The following SULF1 variants were observed in gnomAD, a reference collection of about 807,000 sequenced individuals.
SULF1 encodes the protein sulfatase 1, also known as extracellular sulfatase Sulf-1.
SULF1 carries 46 observed loss-of-function variants against 110.5 expected under a neutral mutation model. The observed-to-expected ratio is 0.42, with a 90% confidence interval of 0.33 to 0.53. The LOEUF (loss-of-function observed/expected upper bound fraction) is 0.53. Among genes scored for constraint, SULF1 ranks in the 20% least tolerant of loss-of-function variants. The pLI, the probability that SULF1 is intolerant of heterozygous loss-of-function variation, is 0.12. For missense variants in SULF1, 941 were observed against 1,094.2 expected (o/e 0.86, Z 1.98); for synonymous variants, 371 against 387.1 (o/e 0.96, Z 0.49).
At chr8:69,657,712 G>T (rs913835795) in intron 22 of SULF1, among the ~76,000 whole-genome samples, 2 of 152,118 alleles carry the variant, frequency 1.3e-5, no homozygotes, top group African/African-American at 2.4e-5. Flanking sequence ...CTTCTTGCTG[G>T]TCTGTATGGC....
At chr8:69,535,160 A>G (rs1403558487) in intron 3 of SULF1, among the ~76,000 whole-genome samples, 2 of 152,186 alleles carry the variant, frequency 1.3e-5, no homozygotes, top group Non-Finnish European at 2.9e-5. Flanking sequence ...TTCCTTCCCT[A>G]TCTCGCTTGG....
intron 13 of SULF1, among the ~76,000 whole-genome samples, chr8:69,617,547 G>C (rs1809279632): frequency 6.7e-6 from 1 of 150,314 alleles, no homozygotes; most frequent in African/African-American, 2.4e-5. Flanking sequence ...GGGATTGTAG[G>C]TGTGATCCAC....
intron 3 of SULF1, among the ~76,000 whole-genome samples, chr8:69,524,612 G>T (rs1812538683): frequency 1.3e-5 from 2 of 152,092 alleles, no homozygotes; most frequent in South Asian, 4.1e-4. Flanking sequence ...CTTGGAGGGA[G>T]CAAAAATCCA....
At chr8:69,611,129 T>A (rs1808620370) in intron 13 of SULF1, among the ~76,000 whole-genome samples, 2 of 152,268 alleles carry the variant, frequency 1.3e-5, no homozygotes, top group South Asian at 4.1e-4. Flanking sequence ...TAACTCTGCC[T>A]CAGTTTCTTC....
chr8:69,547,257 G>C (rs570847659), intron 3 of SULF1, among the ~76,000 whole-genome samples: 6 of 152,204 alleles, frequency 3.9e-5, no homozygotes, highest in Admixed American at 3.3e-4. Context: ...AAGCAAATTT[G>C]ATGATTTATA....
intron 21 of SULF1, 64 bp from the exon 22 acceptor site, chr8:69,640,744 T>G: frequency 7.0e-7 from 1 of 1,426,240 alleles, no homozygotes; most frequent in African/African-American, 1.4e-5. Flanking sequence ...TGAAAAACTA[T>G]ATAGTGAATG....
chr8:69,485,614 A>T (rs955110660), intron 1 of SULF1, among the ~76,000 whole-genome samples: 12 of 152,120 alleles, frequency 7.9e-5, no homozygotes, highest in African/African-American at 2.7e-4. Flanking sequence ...GTCTCAGCAC[A>T]TCCTTATCAG....
chr8:69,551,235 AG>A (rs1489662436), intron 3 of SULF1, among the ~76,000 whole-genome samples: 1 of 152,244 alleles, frequency 6.6e-6, no homozygotes, highest in African/African-American at 2.4e-5. Context: ...TGGAAATTTC[AG>A]CCTGGGAGTG....
rs1056014087 is a variant in SULF1, at chr8:69,473,987, T to G, written c.-391+7037T>G. On this transcript the variant is annotated intron_variant, in intron 1 of 22. Transcript: ENST00000260128. ...AGAACTCAGGAAAATCTCCTTGTAT[T>G]CCTTTGATGACAGAGGCTCAAAGAT... Among the ~76,000 whole-genome samples, 72 of 152,192 alleles carry G rather than the reference T, an allele frequency of 4.7e-4. 1 individual carries two copies. The highest frequency in any genetic ancestry group is 1.7e-3 in the African/African-American group (70 of 41,462).
At chr8:69,621,387 C>T (rs1809596143) in intron 14 of SULF1, 136 bp downstream of exon 14, 2 of 570,162 alleles carry the variant, frequency 3.5e-6, no homozygotes, top group Non-Finnish European at 5.9e-6. Context: ...CACATCATTG[C>T]TCTATTTAAA....
chr8:69,495,234 TC>T (rs1226773208), intron 1 of SULF1, among the ~76,000 whole-genome samples: 5 of 152,246 alleles, frequency 3.3e-5, no homozygotes, highest in Admixed American at 2.6e-4. Context: ...CATAAAATTA[TC>T]ATCTGGATGT....
chr8:69,602,217 G>A lies in SULF1; in HGVS notation c.1061+388G>A, dbSNP rs75698249. On this transcript the variant is annotated intron_variant, in intron 10 of 22. Transcript: ENST00000402687. ...TTAACTTTTAAAAATTATTCCGAAA[G>A]AAATGTTTTTAAAAGATAAATTTTG... Among the ~76,000 whole-genome samples the A allele has an allele frequency of 6.0e-3, 910 of 152,066 alleles. 2 individuals are homozygous for A. The highest frequency in any genetic ancestry group is 0.01 in the Non-Finnish European group (683 of 67,970).
chr8:69,626,526 G>A (rs1324871266), intron 15 of SULF1, among the ~76,000 whole-genome samples: 1 of 152,372 alleles, frequency 6.6e-6, no homozygotes, highest in East Asian at 1.9e-4. Context: ...GGGAGCCATA[G>A]AGCAGGGGGT....
rs536260655 is a variant in SULF1, at chr8:69,640,801, A to G, written c.2552-7A>G. ...ACAGAAATTACTCTTGTATTTTCCTATATCAGGAAATAAAGATGGAGGAAG... is the reference window on the plus strand; with the variant it reads ...ACAGAAATTACTCTTGTATTTTCCTGTATCAGGAAATAAAGATGGAGGAAG... On this transcript the variant is annotated splice_region_variant and splice_polypyrimidine_tract_variant and intron_variant, in intron 21 of 22. Coordinates refer to ENST00000402687, the MANE Select transcript of SULF1 (RefSeq NM_001128205.2). 7 of 1,610,368 alleles carry G rather than the reference A, an allele frequency of 4.3e-6. No individual in the cohort carries two copies. Among genetic ancestry groups the G allele is most frequent in the African/African-American group, 4.0e-5 (3 of 74,758 alleles).
intron 1 of SULF1, among the ~76,000 whole-genome samples, chr8:69,467,901 G>A (rs1054262119): frequency 3.3e-5 from 5 of 151,974 alleles, no homozygotes; most frequent in Non-Finnish European, 7.4e-5. Context: ...TAGCCGTAAC[G>A]GCTCTACCAA....
At position 69,539,117 on chromosome 8, in the gene SULF1, T is replaced by C. The variant is rs1339019998; in HGVS notation, c.-133-24422T>C. On this transcript the variant is annotated intron_variant, in intron 3 of 22. Coordinates refer to ENST00000402687, the MANE Select transcript of SULF1 (RefSeq NM_001128205.2). ...TCTGCCAGTGAATTCTTCCCACTGC[T>C]CAGACACTCGCCTTTGTCATTCGAC... Among the ~76,000 whole-genome samples the C allele has an allele frequency of 3.3e-5, 5 of 152,208 alleles. 1 individual carries two copies. Among genetic ancestry groups the C allele is most frequent in the African/African-American group, 1.2e-4 (5 of 41,456 alleles).
intron 6 of SULF1, among the ~76,000 whole-genome samples, chr8:69,584,978 C>T (rs1360234135): frequency 6.6e-6 from 1 of 152,184 alleles, no homozygotes; most frequent in African/African-American, 2.4e-5. Context: ...TCTATTATCC[C>T]AAGCCAGTCT....
intron 22 of SULF1, among the ~76,000 whole-genome samples, chr8:69,651,594 T>A (rs1812351052): frequency 6.6e-6 from 1 of 152,152 alleles, no homozygotes; most frequent in Non-Finnish European, 1.5e-5. Context: ...TCAAAAAGCT[T>A]TTTTTAGCAT....
intron 22 of SULF1, among the ~76,000 whole-genome samples, chr8:69,650,319 G>A (rs569535299): frequency 8.7e-4 from 133 of 152,024 alleles, no homozygotes; most frequent in South Asian, 1.2e-3. Context: ...CATTTCTTAG[G>A]TAGTATTGTA....
Sources: gnomAD v4.1 joint callset for allele counts (sites outside exome capture counted in the v4.1 genomes callset) on GRCh38, gnomAD v4.1.1 for gene constraint, MANE v1.5 for transcripts, NCBI Gene and HGNC (gene_info 2026-07-23, HGNC 2026-07-21) for gene names.